Variants in P4HA3 observed in about 807,000 individuals in gnomAD.
P4HA3 encodes the protein prolyl 4-hydroxylase subunit alpha 3.
A neutral mutation model predicts 66.7 loss-of-function variants in P4HA3; 60 were observed. That is an observed-to-expected ratio of 0.90 (90% CI 0.73 to 1.12). P4HA3 has a LOEUF of 1.12. Among genes scored for constraint, P4HA3 ranks in the 50% most tolerant of loss-of-function variants. The probability of loss-of-function intolerance (pLI) is 0.00; values close to 1 mark genes in which losing one functional copy is unlikely to be tolerated. For missense variants in P4HA3, 683 were observed against 685.8 expected (o/e 1.00, Z 0.05); for synonymous variants, 263 against 274.6 (o/e 0.96, Z 0.42).
intron 7 of P4HA3, among the ~76,000 whole-genome samples, chr11:74,283,632 GC>G (rs1453835901): frequency 6.6e-6 from 1 of 152,170 alleles, no homozygotes; most frequent in African/African-American, 2.4e-5. Context: ...CTCACATCTA[GC>G]TTCATTTCCT....
At position 74,286,290 on chromosome 11, in the gene P4HA3, T is replaced by C; in HGVS notation, c.871A>G (p.Asn291Asp). ...VVAEAVIQRPNIPHLQTRDTY... is the reference protein window; with the variant it reads ...VVAEAVIQRPDIPHLQTRDTY... ...TCTCTGGTCTGCAGGTGGGGTATAT[T>C]GGGCCTCTGGATGACAGCCTCAGCT... is the stretch of plus-strand genomic sequence containing the variant. Residue 291 changes from asparagine to aspartate, a missense_variant, in exon 6 of 13, where the codon AAT becomes GAT. Asn to Asp is a conservative substitution (Grantham distance 23, BLOSUM62 1). Transcript: ENST00000331597. 1 of 1,612,450 alleles carries C rather than the reference T, an allele frequency of 6.2e-7. No homozygotes were observed. The highest frequency in any genetic ancestry group is 1.3e-5 in the African/African-American group (1 of 74,942).
At chr11:74,278,360 AC>A (rs1287741744) in intron 8 of P4HA3, among the ~76,000 whole-genome samples, 2 of 152,166 alleles carry the variant, frequency 1.3e-5, no homozygotes, top group Non-Finnish European at 2.9e-5. Flanking sequence ...GACATAGAAA[AC>A]TGAAAACACT....
At chr11:74,309,291 G>A (rs1488022555) in intron 1 of P4HA3, among the ~76,000 whole-genome samples, 5 of 152,192 alleles carry the variant, frequency 3.3e-5, no homozygotes, top group Admixed American at 2.6e-4. Context: ...TTGTGTGTGA[G>A]AGAGAATCAG....
At chr11:74,283,126 G>T (rs2134756724) in intron 7 of P4HA3, among the ~76,000 whole-genome samples, 1 of 152,292 alleles carries the variant, frequency 6.6e-6, no homozygotes, top group East Asian at 1.9e-4. Context: ...GTCCAGGGCT[G>T]ATTCCTGGGA....
At chr11:74,287,308 G>C (rs1302107278) in intron 5 of P4HA3, 1 of 1,289,316 alleles carries the variant, frequency 7.8e-7, no homozygotes, top group Non-Finnish European at 1.0e-6. Context: ...AAGGAGGAAA[G>C]GAAGGGGCAG....
At position 74,267,079 on chromosome 11, in the gene P4HA3, T is replaced by G. The variant is rs184069011; in HGVS notation, c.*169A>C. 104 of 1,537,696 alleles carry G rather than the reference T, an allele frequency of 6.8e-5. No homozygotes were observed. In the Middle Eastern group the frequency reaches 1.8e-3, roughly 27 times the overall value. On this transcript the variant is annotated 3_prime_UTR_variant, in exon 13 of 13. Transcript: ENST00000331597. ...GGGCAGATCAAATGTACATTCTCAG[T>G]GTCCCCTGGTAACAACCTCTCCCTT...
intron 8 of P4HA3, among the ~76,000 whole-genome samples, chr11:74,278,244 T>C (rs1860469348): frequency 6.6e-6 from 1 of 152,176 alleles, no homozygotes; most frequent in African/African-American, 2.4e-5. Flanking sequence ...TATTCCAGCC[T>C]GAAGAAACAG....
chr11:74,255,439 C>T (rs1409501273), intron 15 of P4HA3, among the ~76,000 whole-genome samples: 1 of 152,224 alleles, frequency 6.6e-6, no homozygotes, highest in African/African-American at 2.4e-5. Flanking sequence ...TTCCTCCTAG[C>T]AGGCTCTGGG....
chr11:74,308,699 T>A (rs1861643488), intron 1 of P4HA3, among the ~76,000 whole-genome samples: 1 of 152,238 alleles, frequency 6.6e-6, no homozygotes, highest in Admixed American at 6.5e-5. Flanking sequence ...TTATCTAGGC[T>A]GTCACAATCC....
chr11:74,274,803 A>G (rs1254813958), intron 9 of P4HA3, among the ~76,000 whole-genome samples: 1 of 152,176 alleles, frequency 6.6e-6, no homozygotes, highest in Non-Finnish European at 1.5e-5. Flanking sequence ...TTGCATTCCC[A>G]CTAGCAGTGT....
At chr11:74,291,623 A>G (rs1861029849) in intron 4 of P4HA3, among the ~76,000 whole-genome samples, 2 of 152,194 alleles carry the variant, frequency 1.3e-5, no homozygotes, top group African/African-American at 4.8e-5. Flanking sequence ...ACGTCCATCA[A>G]TACCTAATTT....
At chr11:74,272,533 G>GT (rs1236085099) in intron 10 of P4HA3, among the ~76,000 whole-genome samples, 6 of 152,134 alleles carry the variant, frequency 3.9e-5, no homozygotes, top group Non-Finnish European at 4.4e-5. Context: ...AGACACCATT[G>GT]TAAGTGGAAG....
chr11:74,303,621 C>G (rs1470387596), intron 2 of P4HA3, among the ~76,000 whole-genome samples: 2 of 150,094 alleles, frequency 1.3e-5, no homozygotes, highest in Non-Finnish European at 3.0e-5. Context: ...CGCTCTGTCA[C>G]CCCAGGCTGG....
rs188938233 is a variant in P4HA3, at chr11:74,253,469, C to T, written c.*1319-5468G>A. The T allele has an allele frequency of 1.3e-4, 201 of 1,601,002 alleles. No homozygotes were observed. In the African/African-American group the frequency reaches 2.3e-3, roughly 18 times the overall value. On this transcript the variant is annotated intron_variant and NMD_transcript_variant, in intron 15 of 15. Transcript: ENST00000524388. The stretch of plus-strand genomic sequence containing the variant: ...CTATTGATAGTTACATTTGTTTTTC[C>T]TTCTCTTTCTGTTCTTCCACAGTGT...
intron 7 of P4HA3, among the ~76,000 whole-genome samples, chr11:74,280,582 T>C (rs1266221990): frequency 6.6e-6 from 1 of 152,238 alleles, no homozygotes; most frequent in African/African-American, 2.4e-5. Context: ...TGTCAGCTCA[T>C]GAGGGCAAGG....
At chr11:74,301,869 A>G (rs970608874) in intron 3 of P4HA3, among the ~76,000 whole-genome samples, 2 of 152,158 alleles carry the variant, frequency 1.3e-5, no homozygotes, top group Non-Finnish European at 2.9e-5. Context: ...GTTGCATTGG[A>G]TTCCAGAAAG....
In P4HA3 at chr11:74,297,091, C is replaced by G. The variant is rs572143575; in HGVS notation, c.717+1121G>C. Among the ~76,000 whole-genome samples, 3 of 152,106 alleles carry G rather than the reference C, an allele frequency of 2.0e-5. No homozygotes were observed. The South Asian group carries it at 6.2e-4, about 32-fold the overall frequency. ...GGATTACAGGCATGTGCCACCACAC[C>G]CGGTTAATTTTGTTTGTTTTTGTTT... On this transcript the variant is annotated intron_variant, in intron 4 of 12. Coordinates refer to ENST00000331597, the MANE Select transcript of P4HA3 (RefSeq NM_182904.5).
intron 15 of P4HA3, chr11:74,251,219 A>G (rs1477748811): frequency 5.0e-6 from 7 of 1,409,556 alleles, no homozygotes; most frequent in South Asian, 1.6e-5. Context: ...CTGAGGAGCT[A>G]CTGACACTCT....
At chr11:74,271,337 C>G (rs1860189393) in intron 10 of P4HA3, among the ~76,000 whole-genome samples, 1 of 152,168 alleles carries the variant, frequency 6.6e-6, no homozygotes, top group South Asian at 2.1e-4. Context: ...AAGGGGCAAC[C>G]TGGACTTTCC....
Sources: gnomAD v4.1 joint callset for allele counts (sites outside exome capture counted in the v4.1 genomes callset) on GRCh38, gnomAD v4.1.1 for gene constraint, MANE v1.5 for transcripts, NCBI Gene and HGNC (gene_info 2026-07-23, HGNC 2026-07-21) for gene names.